MAML3: variants seen among roughly 807,000 people sequenced by gnomAD.
MAML3 encodes mastermind-like protein 3.
MAML3 carries 27 observed loss-of-function variants against 101.9 expected under a neutral mutation model. That is an observed-to-expected ratio of 0.27 (90% CI 0.20 to 0.37). The LOEUF (loss-of-function observed/expected upper bound fraction) is 0.37, where lower values mean the gene tolerates loss of function less well. MAML3 is among the 10% of genes least tolerant of loss of function. The pLI is 1.00. For synonymous variants in MAML3, 501 were observed against 555.9 expected (o/e 0.90, Z 1.39); for missense variants, 1,316 against 1,444.9 (o/e 0.91, Z 1.45).
At chr4:139,884,482 C>T (rs891454786) in intron 2 of MAML3, among the ~76,000 whole-genome samples, 2 of 152,316 alleles carry the variant, frequency 1.3e-5, no homozygotes, top group Non-Finnish European at 1.5e-5. Context: ...AAAATTAACA[C>T]CACATTTTGG....
intron 4 of MAML3, among the ~76,000 whole-genome samples, chr4:139,722,801 AATG>A (rs1728289054): frequency 6.6e-6 from 1 of 152,258 alleles, no homozygotes; most frequent in African/African-American, 2.4e-5. Flanking sequence ...TCTCTCCAAG[AATG>A]ATATTTCTTA....
intron 1 of MAML3, among the ~76,000 whole-genome samples, chr4:140,007,822 C>G (rs934931096): frequency 3.9e-5 from 6 of 152,218 alleles, no homozygotes; most frequent in African/African-American, 1.4e-4. Flanking sequence ...TCCACCAGAA[C>G]TGCTTCTCTG....
At chr4:139,903,974 G>C (rs1267930501) in intron 1 of MAML3, among the ~76,000 whole-genome samples, 1 of 152,162 alleles carries the variant, frequency 6.6e-6, no homozygotes, top group African/African-American at 2.4e-5. Flanking sequence ...AAAGGGAAAG[G>C]CCTAAGCTAG....
At chr4:139,983,011 C>T (rs780929424) in intron 1 of MAML3, among the ~76,000 whole-genome samples, 15 of 152,196 alleles carry the variant, frequency 9.9e-5, no homozygotes, top group Admixed American at 2.0e-4. Flanking sequence ...GCACCTTTAT[C>T]GCCCAATTCC....
chr4:139,834,793 C>G (rs762965980), intron 2 of MAML3, among the ~76,000 whole-genome samples: 3 of 152,092 alleles, frequency 2.0e-5, no homozygotes, highest in African/African-American at 7.2e-5. Flanking sequence ...GTATCAACCA[C>G]GGAGATGTCA....
chr4:139,818,110 A>T (rs545043002), intron 2 of MAML3, among the ~76,000 whole-genome samples: 1 of 152,222 alleles, frequency 6.6e-6, no homozygotes, highest in South Asian at 2.1e-4. Context: ...CAATTCTAAC[A>T]AGTCCCCAGG....
intron 2 of MAML3, among the ~76,000 whole-genome samples, chr4:139,848,686 C>T (rs995823522): frequency 9.2e-5 from 14 of 152,240 alleles, no homozygotes; most frequent in Non-Finnish European, 1.8e-4. Flanking sequence ...TATGCACTTA[C>T]GTCTTATATA....
intron 1 of MAML3, among the ~76,000 whole-genome samples, chr4:139,949,673 T>C (rs781388855): frequency 5.9e-5 from 9 of 152,330 alleles, no homozygotes; most frequent in Admixed American, 3.9e-4. Flanking sequence ...AAAATATCAA[T>C]GTTGTCTTAA....
chr4:139,890,664 C>A lies in MAML3; in HGVS notation c.772G>T (p.Gly258Cys). Reference sequence around the variant, plus strand: ...AAGCTATCCTCCAGGTCACTGCAACCGTTGACAGGAAGTTTAATCTCAGGG... The same window carrying A: ...AAGCTATCCTCCAGGTCACTGCAACAGTTGACAGGAAGTTTAATCTCAGGG... Reference protein sequence around the residue: ...RLPEIKLPVNGCSDLEDSFTI... With the variant: ...RLPEIKLPVNCCSDLEDSFTI... The change falls in exon 2 of 5, where the codon GGT (glycine) becomes TGT (cysteine). Residue 258 changes from glycine (G) to cysteine (C), a missense_variant. Transcript: ENST00000509479. The surrounding 1 kb of genome is among the most constrained non-coding windows in gnomAD (Gnocchi z 4.1). 1 of 1,613,950 alleles carries A rather than the reference C, an allele frequency of 6.2e-7. No individual in the cohort carries two copies. Among genetic ancestry groups the A allele is most frequent in the Non-Finnish European group, 8.5e-7 (1 of 1,179,840 alleles).
intron 2 of MAML3, among the ~76,000 whole-genome samples, chr4:139,757,642 CAAAAAAA>C (rs10583574): frequency 2.9e-5 from 3 of 104,608 alleles, no homozygotes; most frequent in African/African-American, 1.1e-4. Context: ...GGCTCCATTT[CAAAAAAA>C]AAAAAAAAAA....
chr4:139,994,047 T>G (rs1416684783), intron 1 of MAML3, among the ~76,000 whole-genome samples: 4 of 152,218 alleles, frequency 2.6e-5, no homozygotes, highest in Non-Finnish European at 4.4e-5. Flanking sequence ...GGGTCTACTT[T>G]TTTTGTAATG....
chr4:139,946,235 G>C (rs1486174726), intron 1 of MAML3, among the ~76,000 whole-genome samples: 2 of 152,192 alleles, frequency 1.3e-5, no homozygotes, highest in Non-Finnish European at 2.9e-5. Flanking sequence ...TAAAGATAAA[G>C]ATAATATATG....
At chr4:140,011,338 T>G (rs1726557102) in intron 1 of MAML3, among the ~76,000 whole-genome samples, 1 of 38,932 alleles carries the variant, frequency 2.6e-5, no homozygotes, top group African/African-American at 4.6e-5. Flanking sequence ...GGTTTTCTTG[T>G]TTTGTTTTTT....
intron 1 of MAML3, among the ~76,000 whole-genome samples, chr4:139,934,935 G>C (rs1733475936): frequency 6.6e-6 from 1 of 152,240 alleles, no homozygotes; most frequent in East Asian, 1.9e-4. Flanking sequence ...ACAAAGCCAG[G>C]TTTCCTTAGC....
chr4:140,044,742 C>T (rs1401374807), intron 1 of MAML3, among the ~76,000 whole-genome samples: 1 of 152,184 alleles, frequency 6.6e-6, no homozygotes, highest in African/African-American at 2.4e-5. Context: ...CATGTGTGAA[C>T]TGACGTCAAA....
At chr4:140,137,039 A>G (rs1447946531) in intron 1 of MAML3, among the ~76,000 whole-genome samples, 1 of 152,224 alleles carries the variant, frequency 6.6e-6, no homozygotes, top group African/African-American at 2.4e-5. Context: ...CCCAGGCTGG[A>G]CTGCAGTGGC....
chr4:139,875,004 C>T (rs1732083858), intron 2 of MAML3, among the ~76,000 whole-genome samples: 2 of 152,208 alleles, frequency 1.3e-5, no homozygotes, highest in South Asian at 4.2e-4. Flanking sequence ...GGGGTTTCAC[C>T]ATGTTAGCCA....
At chr4:140,074,733 T>C (rs972528046) in intron 1 of MAML3, among the ~76,000 whole-genome samples, 3 of 152,212 alleles carry the variant, frequency 2.0e-5, no homozygotes, top group Non-Finnish European at 2.9e-5. Flanking sequence ...ATAGGGGCCA[T>C]ATAAATTCAC....
intron 2 of MAML3, among the ~76,000 whole-genome samples, chr4:139,882,273 G>T (rs1293350707): frequency 6.6e-6 from 1 of 150,892 alleles, no homozygotes; most frequent in African/African-American, 2.4e-5. Context: ...AATTACCAAA[G>T]AAATAATCTA....
Sources: allele counts gnomAD v4.1 joint callset (sites outside exome capture counted in the v4.1 genomes callset), GRCh38; gene constraint gnomAD v4.1.1; non-coding constraint Gnocchi (gnomAD v3.1); transcripts MANE v1.5; gene names NCBI Gene and HGNC (gene_info 2026-07-23, HGNC 2026-07-21).